ACTR2: variants seen among roughly 807,000 people sequenced by gnomAD.
The protein encoded by ACTR2 is actin related protein 2, also known as actin-related protein 2.
Under a neutral mutation model 50.2 loss-of-function variants are expected in ACTR2, and 5 were observed. The ratio of observed to expected loss-of-function variants is 0.10; its 90% confidence interval spans 0.05 to 0.21. ACTR2 has a LOEUF of 0.21. ACTR2 is among the 10% of genes least tolerant of loss of function. The pLI is 1.00. For synonymous variants in ACTR2, 140 were observed against 162.9 expected, an observed-to-expected ratio of 0.86 and a Z score of 1.07; for missense variants, 180 against 480.6, an observed-to-expected ratio of 0.37 and a Z score of 5.85.
intron 8 of ACTR2, 103 bp downstream of exon 8, chr2:65,265,278 C>T (rs959123239): frequency 7.8e-7 from 1 of 1,274,696 alleles, no homozygotes; most frequent in Non-Finnish European, 1.1e-6. Context: ...TCTTCCAAAA[C>T]AAATTCCTAC....
chr2:65,251,683 A>C (rs1367724411), intron 4 of ACTR2, among the ~76,000 whole-genome samples: 4 of 152,136 alleles, frequency 2.6e-5, no homozygotes, highest in Admixed American at 6.6e-5. Context: ...TTTTTTATGC[A>C]TGGAATTTGT....
At chr2:65,249,517 G>A (rs1399413850) in intron 3 of ACTR2, among the ~76,000 whole-genome samples, 2 of 152,164 alleles carry the variant, frequency 1.3e-5, no homozygotes, top group East Asian at 3.8e-4. Context: ...GTGGAATAAA[G>A]GATGATGGAA....
At chr2:65,233,485 C>T (rs1671677864) in intron 1 of ACTR2, among the ~76,000 whole-genome samples, 1 of 151,592 alleles carries the variant, frequency 6.6e-6, no homozygotes, top group Admixed American at 6.6e-5. Context: ...AGACCCCTGT[C>T]TCCACAAAAA....
chr2:65,241,392 T>C (rs1671838170), intron 2 of ACTR2, among the ~76,000 whole-genome samples: 1 of 152,204 alleles, frequency 6.6e-6, no homozygotes, highest in Non-Finnish European at 1.5e-5. Flanking sequence ...TCATGCCCAC[T>C]TTCTTCGTGT....
At chr2:65,258,026 T>C (rs571998269) in intron 6 of ACTR2, among the ~76,000 whole-genome samples, 1 of 152,352 alleles carries the variant, frequency 6.6e-6, no homozygotes, top group South Asian at 2.1e-4. Context: ...CCCATGCCTA[T>C]GTCCTGAATG....
At chr2:65,234,753 C>T (rs1362104496) in intron 1 of ACTR2, among the ~76,000 whole-genome samples, 1 of 152,216 alleles carries the variant, frequency 6.6e-6, no homozygotes, top group African/African-American at 2.4e-5. Flanking sequence ...CTTACGATTT[C>T]TCACTTAGTA....
Position 65,227,831 on chromosome 2 carries a change from G to GC in ACTR2, c.-78dup. ...GGGCCGAAGGAGGGGCCGGGAAGACGCAAGAGGAAGAAGAGAAAACGGCCG... is the reference window on the plus strand; with the variant it reads ...GGGCCGAAGGAGGGGCCGGGAAGACGCCAAGAGGAAGAAGAGAAAACGGCCG... On this transcript the variant is annotated 5_prime_UTR_variant, in exon 1 of 9. Transcript: ENST00000260641. 1 of 1,455,910 alleles carries GC rather than the reference G, an allele frequency of 6.9e-7. No homozygotes were observed. Among genetic ancestry groups the GC allele is most frequent in the Non-Finnish European group, 9.1e-7 (1 of 1,095,780 alleles). 90.2% of individuals were successfully genotyped at this position (1,455,910 alleles called of 1,614,324 possible).
chr2:65,257,103 G>A (rs1036684008), intron 6 of ACTR2, among the ~76,000 whole-genome samples: 4 of 145,862 alleles, frequency 2.7e-5, no homozygotes, highest in African/African-American at 1.0e-4. Flanking sequence ...TCCCCTTGCC[G>A]CCCCCCACCC....
intron 8 of ACTR2, among the ~76,000 whole-genome samples, chr2:65,265,930 A>G (rs2104024016): frequency 6.6e-6 from 1 of 152,358 alleles, no homozygotes; most frequent in South Asian, 2.1e-4. Context: ...TCTTTCATAT[A>G]TGACTCATTG....
At chr2:65,249,004 C>G (rs1391933031) in intron 3 of ACTR2, among the ~76,000 whole-genome samples, 1 of 150,682 alleles carries the variant, frequency 6.6e-6, no homozygotes, top group Non-Finnish European at 1.5e-5. Flanking sequence ...CAGAGCGAGA[C>G]TCTGTCTCAA....
rs1367930405 is a variant in ACTR2, at chr2:65,265,758, G to GT, written c.1014+589dup. Among the ~76,000 whole-genome samples, 3 of 152,178 alleles carry GT rather than the reference G, an allele frequency of 2.0e-5. No individual in the cohort carries two copies. In the East Asian group the frequency reaches 5.8e-4, roughly 29 times the overall value. On this transcript the variant is annotated intron_variant, in intron 8 of 8. Coordinates refer to ENST00000260641, the MANE Select transcript of ACTR2 (RefSeq NM_005722.4). ...ATGTTTCTTTGGCATAGGTTTTTGT[G>GT]TTTTTTCCACCAGACTCTGGACTAT...
intron 4 of ACTR2, among the ~76,000 whole-genome samples, chr2:65,251,331 T>G (rs1672046600): frequency 6.6e-6 from 1 of 152,220 alleles, no homozygotes; most frequent in Non-Finnish European, 1.5e-5. Flanking sequence ...AAGACTTATT[T>G]TTTAAAAAAT....
intron 7 of ACTR2, among the ~76,000 whole-genome samples, chr2:65,263,477 G>A (rs1200548773): frequency 6.6e-6 from 1 of 152,110 alleles, no homozygotes. Flanking sequence ...GGTTATAGAG[G>A]AATTCACCCA....
chr2:65,250,630 G>A (rs1256166880), intron 3 of ACTR2, among the ~76,000 whole-genome samples: 1 of 122,790 alleles, frequency 8.1e-6, no homozygotes, highest in East Asian at 2.6e-4. Flanking sequence ...CCAAGATTGC[G>A]CCACTGCACT....
intron 6 of ACTR2, 68 bp from the exon 7 acceptor site, chr2:65,261,179 G>A: frequency 3.3e-6 from 5 of 1,522,922 alleles, no homozygotes; most frequent in Non-Finnish European, 4.5e-6. Flanking sequence ...ATAAGTACTA[G>A]TGTTCCGGAG....
At chr2:65,240,865 T>A (rs1671829256) in intron 2 of ACTR2, among the ~76,000 whole-genome samples, 1 of 152,192 alleles carries the variant, frequency 6.6e-6, no homozygotes, top group Non-Finnish European at 1.5e-5. Flanking sequence ...TTAGGGCGTA[T>A]CTCTTTGGGA....
At chr2:65,253,917 C>T in intron 5 of ACTR2, 53 bp downstream of exon 5, 2 of 1,488,182 alleles carry the variant, frequency 1.3e-6, no homozygotes, top group South Asian at 2.3e-5. Flanking sequence ...TGTTTACCAC[C>T]TTAACACAGA....
intron 2 of ACTR2, chr2:65,242,627 T>C: frequency 2.0e-6 from 1 of 509,912 alleles, no homozygotes; most frequent in South Asian, 1.4e-5. Flanking sequence ...CACAACGTTA[T>C]CTGAGGATAA....
intron 4 of ACTR2, among the ~76,000 whole-genome samples, chr2:65,251,846 ACTT>A (rs1278335760): frequency 2.0e-5 from 3 of 152,076 alleles, no homozygotes; most frequent in Non-Finnish European, 2.9e-5. Context: ...GGAGGGGACT[ACTT>A]ATATATTCTC....
Sources: allele counts gnomAD v4.1 joint callset (sites outside exome capture counted in the v4.1 genomes callset), GRCh38; gene constraint gnomAD v4.1.1; transcripts MANE v1.5; gene names NCBI Gene and HGNC (gene_info 2026-07-23, HGNC 2026-07-21).